The following RIMKLB variants were observed in gnomAD, a reference collection of about 807,000 sequenced individuals.
The protein encoded by RIMKLB is beta-citrylglutamate synthase B.
RIMKLB carries 7 observed loss-of-function variants against 32.0 expected under a neutral mutation model. That is an observed-to-expected ratio of 0.22 (90% confidence interval 0.12 to 0.41). The LOEUF is 0.41. Among genes scored for constraint, RIMKLB ranks in the 10% least tolerant of loss-of-function variants. RIMKLB has a pLI of 1.00. For synonymous variants in RIMKLB, 172 were observed against 185.1 expected (o/e 0.93, Z 0.57); for missense variants, 289 against 498.7 (o/e 0.58, Z 4.00).
intron 1 of RIMKLB, among the ~76,000 whole-genome samples, chr12:8,701,152 G>C (rs1183969307): frequency 2.6e-5 from 4 of 152,212 alleles, no homozygotes; most frequent in Non-Finnish European, 4.4e-5. Flanking sequence ...ATTTTTAAAT[G>C]TTAGCTGTGC....
chr12:8,725,540 G>T (rs907788163), intron 2 of RIMKLB, among the ~76,000 whole-genome samples: 1 of 152,146 alleles, frequency 6.6e-6, no homozygotes, highest in Non-Finnish European at 1.5e-5. Context: ...TCCTAGAGTT[G>T]CATCTTCCCA....
At chr12:8,715,473 C>T (rs1944750831) in intron 2 of RIMKLB, among the ~76,000 whole-genome samples, 1 of 152,116 alleles carries the variant, frequency 6.6e-6, no homozygotes, top group Non-Finnish European at 1.5e-5. Context: ...ATCCACCCAC[C>T]TCGGCTTCCA....
intron 5 of RIMKLB, among the ~76,000 whole-genome samples, chr12:8,768,935 T>G (rs1326319303): frequency 5.3e-5 from 8 of 152,200 alleles, no homozygotes; most frequent in Non-Finnish European, 1.0e-4. Flanking sequence ...TTTAAAAAAT[T>G]CTATCTTTCT....
intron 5 of RIMKLB, among the ~76,000 whole-genome samples, chr12:8,766,472 A>G (rs1307729592): frequency 1.3e-5 from 2 of 152,134 alleles, no homozygotes; most frequent in Non-Finnish European, 2.9e-5. Flanking sequence ...TTCTTAGGCA[A>G]ATTTGTTTCA....
chr12:8,723,828 TG>T (rs1945717494), intron 2 of RIMKLB, among the ~76,000 whole-genome samples: 1 of 143,246 alleles, frequency 7.0e-6, no homozygotes, highest in Non-Finnish European at 1.5e-5. Flanking sequence ...TTTTTTTTTT[TG>T]GAGACAGAGT....
intron 2 of RIMKLB, among the ~76,000 whole-genome samples, chr12:8,731,386 C>G (rs761588644): frequency 6.6e-6 from 1 of 152,224 alleles, no homozygotes; most frequent in South Asian, 2.1e-4. Flanking sequence ...GTGTGAGCCA[C>G]TGCCCTGGGC....
intron 7 of RIMKLB, among the ~76,000 whole-genome samples, chr12:8,782,633 A>C (rs1171079887): frequency 6.6e-6 from 1 of 152,156 alleles, no homozygotes; most frequent in African/African-American, 2.4e-5. Flanking sequence ...TTGGGAAATA[A>C]GGTTGCTCTT....
the RIMKLB span, among the ~76,000 whole-genome samples, chr12:8,672,112 G>A: frequency 3.9e-5 from 6 of 152,172 alleles, no homozygotes; most frequent in Admixed American, 2.0e-4. Flanking sequence ...AGTTACCTTT[G>A]CTCCAGTTCC....
chr12:8,721,204 T>C (rs1298668543), intron 2 of RIMKLB, among the ~76,000 whole-genome samples: 1 of 152,166 alleles, frequency 6.6e-6, no homozygotes, highest in Non-Finnish European at 1.5e-5. Context: ...ACACAAACTT[T>C]TGGTTGATGG....
At chr12:8,730,148 C>A (rs1946405470) in intron 2 of RIMKLB, among the ~76,000 whole-genome samples, 1 of 152,152 alleles carries the variant, frequency 6.6e-6, no homozygotes, top group Non-Finnish European at 1.5e-5. Context: ...TACAATGTTG[C>A]AGTCATAGCT....
At chr12:8,722,716 G>A (rs1353043166) in intron 2 of RIMKLB, among the ~76,000 whole-genome samples, 7 of 152,196 alleles carry the variant, frequency 4.6e-5, no homozygotes, top group Admixed American at 2.6e-4. Context: ...TGTATAGTGC[G>A]GCCACCTTCA....
Position 8,727,078 on chromosome 12 carries a change from T to C in RIMKLB, c.175+13037T>C, listed in dbSNP as rs1300896265. ...GGTAGTGCAAAATATTGCTAATTCC[T>C]CCCACCAGTCCCTGAGATCATTGCT... On this transcript the variant is annotated intron_variant, in intron 2 of 5. Coordinates refer to ENST00000535829, the MANE Select transcript of RIMKLB (RefSeq NM_001297776.2). Among the ~76,000 whole-genome samples the C allele has an allele frequency of 3.3e-5, 5 of 152,212 alleles. No homozygotes were observed. The East Asian group carries it at 9.6e-4, about 29-fold the overall frequency.
chr12:8,757,238 G>C (rs1949117599), intron 5 of RIMKLB, among the ~76,000 whole-genome samples: 1 of 151,874 alleles, frequency 6.6e-6, no homozygotes, highest in Admixed American at 6.6e-5. Context: ...AGTTTGTTTT[G>C]AGGTCAGGTG....
At chr12:8,670,304 C>T in the RIMKLB span, among the ~76,000 whole-genome samples, 3 of 152,116 alleles carry the variant, frequency 2.0e-5, no homozygotes, top group East Asian at 5.8e-4. Flanking sequence ...AAGGCAAGTC[C>T]CTTCCACCTA....
intron 2 of RIMKLB, among the ~76,000 whole-genome samples, chr12:8,719,398 C>T (rs1233685155): frequency 3.3e-5 from 5 of 152,132 alleles, no homozygotes; most frequent in East Asian, 3.9e-4. Context: ...GATGGAGTTT[C>T]GCTCTTGTCG....
intron 2 of RIMKLB, among the ~76,000 whole-genome samples, chr12:8,719,635 C>G (rs111648567): frequency 3.9e-5 from 6 of 152,270 alleles, no homozygotes; most frequent in Admixed American, 2.0e-4. Flanking sequence ...TACCAAGGTG[C>G]TAGGATTACA....
At chr12:8,749,777 G>T in intron 2 of RIMKLB, 85 bp from the exon 3 acceptor site, 2 of 844,208 alleles carry the variant, frequency 2.4e-6, no homozygotes, top group Non-Finnish European at 3.7e-6. Context: ...TTCATTTTGT[G>T]ATCCAAACTT....
chr12:8,682,385 T>C (rs1347291474), intron 1 of RIMKLB, among the ~76,000 whole-genome samples: 1 of 152,172 alleles, frequency 6.6e-6, no homozygotes, highest in Non-Finnish European at 1.5e-5. Flanking sequence ...AACTAAGACC[T>C]GTACTTCATT....
At chr12:8,720,829 C>T (rs1006239534) in intron 2 of RIMKLB, among the ~76,000 whole-genome samples, 13 of 152,086 alleles carry the variant, frequency 8.5e-5, no homozygotes, top group African/African-American at 4.8e-5. Flanking sequence ...CATGAGCCAC[C>T]GCGCCTGGCC....
Sources: gnomAD v4.1 joint callset for allele counts (sites outside exome capture counted in the v4.1 genomes callset) on GRCh38, gnomAD v4.1.1 for gene constraint, MANE v1.5 for transcripts, NCBI Gene and HGNC (gene_info 2026-07-23, HGNC 2026-07-21) for gene names.